CNTNAP2: variants seen among roughly 807,000 people sequenced by gnomAD.
CNTNAP2 encodes the protein contactin-associated protein-like 2.
In CNTNAP2, 98 loss-of-function variants were observed where a neutral mutation model predicts 155.2. The observed-to-expected ratio is 0.63, with a 90% CI of 0.54 to 0.75. CNTNAP2 has a LOEUF of 0.75. Ranked by LOEUF, CNTNAP2 falls within the 30% of genes least tolerant of loss-of-function variation. The pLI is 0.00. For missense variants in CNTNAP2, 1,727 were observed against 1,688.1 expected, an observed-to-expected ratio of 1.02 and a Z score of -0.40; for synonymous variants, 651 against 631.2, an observed-to-expected ratio of 1.03 and a Z score of -0.47.
At chr7:146,814,640 C>T (rs1260378525) in intron 2 of CNTNAP2, among the ~76,000 whole-genome samples, 2 of 152,086 alleles carry the variant, frequency 1.3e-5, no homozygotes, top group South Asian at 4.1e-4. Flanking sequence ...GTTCGAATTA[C>T]AGTAGAACCA....
intron 1 of CNTNAP2, among the ~76,000 whole-genome samples, chr7:146,489,885 G>A (rs1234110706): frequency 6.6e-6 from 1 of 152,078 alleles, no homozygotes; most frequent in East Asian, 1.9e-4. Context: ...GTGCTGACTG[G>A]TTTGAGTATG....
chr7:148,056,089 G>T (rs915802342), intron 15 of CNTNAP2, among the ~76,000 whole-genome samples: 1 of 152,212 alleles, frequency 6.6e-6, no homozygotes, highest in African/African-American at 2.4e-5. Flanking sequence ...TATGCAGACT[G>T]TATAGCAGCC....
intron 12 of CNTNAP2, among the ~76,000 whole-genome samples, chr7:147,571,264 T>TC (rs1304139575): frequency 1.1e-5 from 1 of 92,360 alleles, no homozygotes; most frequent in Non-Finnish European, 2.1e-5. Context: ...ATGCTATCCC[T>TC]CCCCCCTCCC....
intron 3 of CNTNAP2, among the ~76,000 whole-genome samples, chr7:146,878,431 C>G (rs1795472414): frequency 6.6e-6 from 1 of 151,674 alleles, no homozygotes; most frequent in South Asian, 2.1e-4. Context: ...TTTCCCTTTC[C>G]CACAAGTACT....
chr7:146,988,673 A>C (rs889848967), intron 3 of CNTNAP2, among the ~76,000 whole-genome samples: 1 of 152,312 alleles, frequency 6.6e-6, no homozygotes, highest in East Asian at 1.9e-4. Flanking sequence ...CAAGATGCTG[A>C]TATGTATCTT....
intron 1 of CNTNAP2, among the ~76,000 whole-genome samples, chr7:146,413,244 TGA>T (rs1795891475): frequency 6.6e-6 from 1 of 152,164 alleles, no homozygotes; most frequent in Admixed American, 6.6e-5. Context: ...TCCAGCCTCA[TGA>T]GAGAAGAGGG....
At chr7:147,138,551 G>A (rs1371978383) in intron 8 of CNTNAP2, among the ~76,000 whole-genome samples, 1 of 151,882 alleles carries the variant, frequency 6.6e-6, no homozygotes. Flanking sequence ...CCACTATCAT[G>A]CGAACTGAGT....
chr7:148,096,785 A>G (rs1803980814), intron 15 of CNTNAP2, among the ~76,000 whole-genome samples: 1 of 152,176 alleles, frequency 6.6e-6, no homozygotes, highest in African/African-American at 2.4e-5. Flanking sequence ...TGGGCATTGA[A>G]GCACAAACCT....
chr7:146,767,250 C>A (rs925560636), intron 1 of CNTNAP2, among the ~76,000 whole-genome samples: 1 of 152,078 alleles, frequency 6.6e-6, no homozygotes, highest in East Asian at 1.9e-4. Flanking sequence ...TTAGTTGCTT[C>A]TGCCATGCAG....
chr7:146,142,416 T>G (rs1293571143), intron 1 of CNTNAP2, among the ~76,000 whole-genome samples: 1 of 152,150 alleles, frequency 6.6e-6, no homozygotes, highest in Non-Finnish European at 1.5e-5. Context: ...ACAGGCATGA[T>G]GATCCCTAAC....
chr7:147,488,555 TA>T (rs60865830), intron 11 of CNTNAP2, among the ~76,000 whole-genome samples: 59,721 of 151,632 alleles, frequency 0.39, 13,024 homozygotes, highest in East Asian at 0.69. Context: ...TATTTTTTTT[TA>T]AAAAAAGCAG....
At chr7:147,880,211 C>T (rs1799494828) in intron 13 of CNTNAP2, among the ~76,000 whole-genome samples, 1 of 152,184 alleles carries the variant, frequency 6.6e-6, no homozygotes. Context: ...ACGGCCACAC[C>T]TGAGTCCCAT....
intron 12 of CNTNAP2, among the ~76,000 whole-genome samples, chr7:147,570,575 T>C (rs557567244): frequency 1.3e-5 from 2 of 152,330 alleles, no homozygotes; most frequent in Admixed American, 6.5e-5. Flanking sequence ...TTTATACAGG[T>C]ACCTGCATAC....
At chr7:147,744,396 T>A (rs4632977) in intron 13 of CNTNAP2, among the ~76,000 whole-genome samples, 32,322 of 152,038 alleles carry the variant, frequency 0.21, 3,628 homozygotes, top group Middle Eastern at 0.39. Flanking sequence ...AAGACACACA[T>A]CCTAAACTTA....
chr7:146,746,502 A>G lies in CNTNAP2; in HGVS notation c.98-27769A>G, dbSNP rs1041340158. ...GACTAAGGTCAGTCCTTAGTCTCAC[A>G]AGATTATATTATCATGTAAAAGTTA... On this transcript the variant is annotated intron_variant, in intron 1 of 23. Coordinates refer to ENST00000361727, the MANE Select transcript of CNTNAP2 (RefSeq NM_014141.6). 3.9e-5 allele frequency among the ~76,000 whole-genome samples: 6 copies of G among 152,184 alleles called. No homozygotes were observed. In the South Asian group the frequency reaches 8.3e-4, roughly 21 times the overall value.
intron 3 of CNTNAP2, among the ~76,000 whole-genome samples, chr7:146,883,465 C>A (rs570113125): frequency 1.3e-5 from 2 of 152,108 alleles, no homozygotes; most frequent in Non-Finnish European, 2.9e-5. Flanking sequence ...CATGTGTGTG[C>A]ACATGCATAT....
At chr7:147,463,447 A>T (rs1472635280) in intron 10 of CNTNAP2, among the ~76,000 whole-genome samples, 1 of 152,184 alleles carries the variant, frequency 6.6e-6, no homozygotes, top group Non-Finnish European at 1.5e-5. Flanking sequence ...TCACGTGCAG[A>T]CCCAGGTCTT....
intron 1 of CNTNAP2, among the ~76,000 whole-genome samples, chr7:146,289,972 T>G (rs1800403157): frequency 6.6e-6 from 1 of 152,314 alleles, no homozygotes; most frequent in African/African-American, 2.4e-5. Context: ...AAATGAAAAC[T>G]TATAAATCAT....
At chr7:147,901,379 G>A (rs934796570) in intron 13 of CNTNAP2, among the ~76,000 whole-genome samples, 12 of 152,012 alleles carry the variant, frequency 7.9e-5, no homozygotes, top group African/African-American at 2.7e-4. Flanking sequence ...TTAAATTGGG[G>A]GAAGATAAAC....
Sources: gnomAD v4.1 joint callset for allele counts (sites outside exome capture counted in the v4.1 genomes callset) on GRCh38, gnomAD v4.1.1 for gene constraint, MANE v1.5 for transcripts, NCBI Gene and HGNC (gene_info 2026-07-23, HGNC 2026-07-21) for gene names.